Variants in RELN observed in about 807,000 individuals in gnomAD.
RELN encodes reelin.
A neutral mutation model predicts 427.6 loss-of-function variants in RELN; 108 were observed. The ratio of observed to expected loss-of-function variants is 0.25; its 90% confidence interval spans 0.22 to 0.30. The LOEUF (loss-of-function observed/expected upper bound fraction) is 0.30, where lower values mean the gene tolerates loss of function less well. RELN is among the 10% of genes least tolerant of loss of function. The probability of loss-of-function intolerance (pLI) is 1.00; values close to 1 mark genes in which losing one functional copy is unlikely to be tolerated. For synonymous variants in RELN, 1,524 were observed against 1,513.4 expected (o/e 1.01, Z -0.16); for missense variants, 3,715 against 4,302.8 (o/e 0.86, Z 3.82).
intron 11 of RELN, among the ~76,000 whole-genome samples, chr7:103,680,497 A>T (rs1208968057): frequency 6.6e-6 from 1 of 151,662 alleles, no homozygotes; most frequent in Non-Finnish European, 1.5e-5. Context: ...CAGGAAAGGG[A>T]GTCGAATTGG....
Position 103,640,190 on chromosome 7 carries a change from C to G in RELN, c.2069+353G>C, listed in dbSNP as rs1832668725. 6.6e-6 allele frequency among the ~76,000 whole-genome samples: 1 copy of G among 152,084 alleles called. No homozygotes were observed. Among genetic ancestry groups the G allele is most frequent in the South Asian group, 2.1e-4 (1 of 4,814 alleles). On this transcript the variant is annotated intron_variant, in intron 17 of 64. Coordinates refer to ENST00000428762, the MANE Select transcript of RELN (RefSeq NM_005045.4). The surrounding 1 kb of genome is among the most constrained non-coding windows in gnomAD (Gnocchi z 4.1). ...ATGGGTCATTACTGATTTTTACAAT[C>G]ATTTACAAAGCATGCTAGGAATTAC...
At position 103,604,445 on chromosome 7, in the gene RELN, T is replaced by C; in HGVS notation, c.3047A>G (p.Tyr1016Cys). 1 of 1,613,842 alleles carries C rather than the reference T, an allele frequency of 6.2e-7. No homozygotes were observed. The highest frequency in any genetic ancestry group is 8.5e-7 in the Non-Finnish European group (1 of 1,179,778). Residue 1016 changes from tyrosine (Y) to cysteine (C), a missense_variant, in exon 23 of 65, where the codon TAC becomes TGC. Physicochemically the swap from Tyr to Cys is radical, Grantham distance 194 (BLOSUM62 -2). Transcript: ENST00000428762. ...CAAAGCCCACTCGTCTTGAGCTGTGTAATAGCTCTGGCTCCAGCGGAAACG... is the reference window on the plus strand; with the variant it reads ...CAAAGCCCACTCGTCTTGAGCTGTGCAATAGCTCTGGCTCCAGCGGAAACG... ...ATRFRWSQSY[Y>C]TAQDEWALDS...
intron 2 of RELN, among the ~76,000 whole-genome samples, chr7:103,895,272 C>A (rs1362036676): frequency 2.0e-5 from 3 of 151,938 alleles, no homozygotes; most frequent in Non-Finnish European, 4.4e-5. Context: ...TTAAAATATA[C>A]ATGGCGGTTG....
chr7:103,644,832 ACTAT>A (rs1832766282), intron 16 of RELN, among the ~76,000 whole-genome samples: 1 of 151,758 alleles, frequency 6.6e-6, no homozygotes, highest in South Asian at 2.1e-4. Context: ...TAGTCATCAG[ACTAT>A]CTAGAGACAG....
intron 6 of RELN, among the ~76,000 whole-genome samples, chr7:103,744,400 A>C (rs1790759200): frequency 1.3e-5 from 2 of 152,138 alleles, no homozygotes; most frequent in South Asian, 4.1e-4. Context: ...AGAAGGCAAG[A>C]AATAACTAAA....
chr7:103,658,729 G>C (rs1218296731), intron 12 of RELN, among the ~76,000 whole-genome samples: 1 of 151,586 alleles, frequency 6.6e-6, no homozygotes, highest in African/African-American at 2.4e-5. Context: ...TTATACTTGG[G>C]CTTTCCAGGC....
intron 3 of RELN, among the ~76,000 whole-genome samples, chr7:103,830,101 A>T (rs891587755): frequency 1.9e-4 from 22 of 116,746 alleles, no homozygotes; most frequent in African/African-American, 5.6e-4. Context: ...GATGCCATCA[A>T]ATGTAAAATA....
At chr7:103,727,368 A>T (rs1304686486) in intron 7 of RELN, among the ~76,000 whole-genome samples, 3 of 152,160 alleles carry the variant, frequency 2.0e-5, no homozygotes, top group African/African-American at 7.2e-5. Context: ...AGGAATTGAG[A>T]CAGGATATAA....
intron 2 of RELN, among the ~76,000 whole-genome samples, chr7:103,909,757 A>T (rs1485592521): frequency 1.1e-5 from 1 of 87,148 alleles, no homozygotes; most frequent in African/African-American, 6.5e-5. Flanking sequence ...ATATATATTA[A>T]ATATATATAT....
intron 3 of RELN, among the ~76,000 whole-genome samples, chr7:103,781,406 C>A (rs963440651): frequency 6.6e-6 from 1 of 152,066 alleles, no homozygotes; most frequent in African/African-American, 2.4e-5. Flanking sequence ...ACAATTAAGT[C>A]TCTAGAGGTT....
Position 103,989,174 on chromosome 7 carries a change from A to C in RELN, c.183T>G (p.Ile61Met). 1.9e-6 allele frequency: 3 copies of C among 1,613,990 alleles called. No homozygotes were observed. Among genetic ancestry groups the C allele is most frequent in the Non-Finnish European group, 2.5e-6 (3 of 1,179,968 alleles). The change falls in exon 1 of 65, where the codon ATT (isoleucine) becomes ATG (methionine). Residue 61 changes from isoleucine to methionine, a missense_variant. Ile to Met is a conservative substitution (Grantham distance 10). This residue lies in a region of RELN where 2,208 missense variants were observed against 2,361.7 expected (regional missense o/e 0.93). Coordinates refer to ENST00000428762, the MANE Select transcript of RELN (RefSeq NM_005045.4). The surrounding 1 kb of genome is among the most constrained non-coding windows in gnomAD (Gnocchi z 4.9). ...GAACGTAGTAGGTGGGGTTGCCCGC[A>C]ATATGCAGGGAAATGAGCACCTCGC... ...EQGEVLISLH[I>M]AGNPTYYVPG...
chr7:103,682,285 G>A (rs1833670960), intron 10 of RELN, 24 bp from the exon 11 acceptor site: 2 of 1,613,450 alleles, frequency 1.2e-6, no homozygotes. Context: ...GAGAGCACGG[G>A]GTGGCTGTTG....
At chr7:103,567,723 T>C (rs897616203) in intron 31 of RELN, among the ~76,000 whole-genome samples, 2 of 151,644 alleles carry the variant, frequency 1.3e-5, no homozygotes, top group Non-Finnish European at 1.5e-5. Context: ...GATACTGAAC[T>C]ATTTTTTGAG....
intron 3 of RELN, among the ~76,000 whole-genome samples, chr7:103,809,120 G>A (rs1792672294): frequency 6.6e-6 from 1 of 152,166 alleles, no homozygotes; most frequent in African/African-American, 2.4e-5. Context: ...AAAGCTAGAA[G>A]TCAGTGCATT....
intron 2 of RELN, among the ~76,000 whole-genome samples, chr7:103,858,229 T>C (rs774557614): frequency 1.3e-5 from 2 of 152,176 alleles, no homozygotes; most frequent in African/African-American, 2.4e-5. Flanking sequence ...TTTCTTAAAC[T>C]CTCTAGGCTT....
chr7:103,502,976 G>A (rs754558037), intron 52 of RELN, 40 bp downstream of exon 52: 3 of 1,532,786 alleles, frequency 2.0e-6, no homozygotes, highest in African/African-American at 2.7e-5. Flanking sequence ...TGTACCTTCT[G>A]GATGCTTGGA....
At chr7:103,832,422 A>AAAAAAACC (rs1793296289) in intron 3 of RELN, among the ~76,000 whole-genome samples, 2 of 147,628 alleles carry the variant, frequency 1.4e-5, no homozygotes, top group Admixed American at 1.3e-4. Context: ...ACAAAAACAC[A>AAAAAAACC]AAAAAAACAA....
chr7:103,599,900 ATTAT>A (rs758286659), intron 24 of RELN, among the ~76,000 whole-genome samples: 4 of 151,962 alleles, frequency 2.6e-5, no homozygotes, highest in Non-Finnish European at 5.9e-5. Flanking sequence ...GTATGCATGT[ATTAT>A]TTATTTATTT....
chr7:103,802,837 T>C (rs1347043114), intron 3 of RELN, among the ~76,000 whole-genome samples: 1 of 152,148 alleles, frequency 6.6e-6, no homozygotes, highest in Non-Finnish European at 1.5e-5. Context: ...CCTGCAATGC[T>C]TGTATTACTG....
Sources: gnomAD v4.1 joint callset for allele counts (sites outside exome capture counted in the v4.1 genomes callset) on GRCh38, gnomAD v4.1.1 for gene constraint, gnomAD v4.1.1 regional missense constraint, Gnocchi (gnomAD v3.1) non-coding constraint, MANE v1.5 for transcripts, NCBI Gene and HGNC (gene_info 2026-07-23, HGNC 2026-07-21) for gene names.